Variants in PDGFRL observed in about 807,000 individuals in gnomAD.
The protein encoded by PDGFRL is platelet-derived growth factor receptor-like protein.
Under a neutral mutation model 37.2 loss-of-function variants are expected in PDGFRL, and 46 were observed. The observed-to-expected ratio is 1.24, with a 90% CI of 0.98 to 1.58. The LOEUF (loss-of-function observed/expected upper bound fraction) is 1.58, where lower values mean the gene tolerates loss of function less well. Among genes scored for constraint, PDGFRL ranks in the 40% most tolerant of loss-of-function variants. The pLI is 0.00. For missense variants in PDGFRL, 692 were observed against 467.6 expected (o/e 1.48, Z -4.43); for synonymous variants, 251 against 184.3 (o/e 1.36, Z -2.93).
intron 1 of PDGFRL, among the ~76,000 whole-genome samples, chr8:17,581,899 G>A (rs185260320): frequency 6.6e-6 from 1 of 152,228 alleles, no homozygotes; most frequent in African/African-American, 2.4e-5. Flanking sequence ...ACCAAGGAGT[G>A]GGATATTGCT....
intron 2 of PDGFRL, among the ~76,000 whole-genome samples, chr8:17,613,560 T>G (rs1415299462): frequency 6.6e-6 from 1 of 151,880 alleles, no homozygotes; most frequent in African/African-American, 2.4e-5. Flanking sequence ...AGTGGGGAAG[T>G]GCTTAGGGTG....
chr8:17,605,952 C>T (rs1040449012), intron 2 of PDGFRL, among the ~76,000 whole-genome samples: 89 of 152,298 alleles, frequency 5.8e-4, no homozygotes, highest in African/African-American at 2.0e-3. Flanking sequence ...CAGCTTACTC[C>T]ACCCACAGAC....
At chr8:17,577,062 A>C, upstream of PDGFRL, 1 of 638,726 alleles carries the variant, frequency 1.6e-6, no homozygotes, top group Non-Finnish European at 2.4e-6. Context: ...GGGCAGGAGA[A>C]GTCACATTAC....
At chr8:17,610,949 C>T (rs954432053) in intron 2 of PDGFRL, among the ~76,000 whole-genome samples, 3 of 152,188 alleles carry the variant, frequency 2.0e-5, no homozygotes, top group Non-Finnish European at 4.4e-5. Flanking sequence ...GTTGTTATTT[C>T]CATGCATTTC....
chr8:17,622,057 C>A (rs1804646891), intron 3 of PDGFRL, among the ~76,000 whole-genome samples: 1 of 152,172 alleles, frequency 6.6e-6, no homozygotes, highest in South Asian at 2.1e-4. Context: ...CAGTCCCTGT[C>A]CCTAAGCCTC....
At chr8:17,585,017 G>C (rs1405886927) in intron 1 of PDGFRL, among the ~76,000 whole-genome samples, 2 of 152,072 alleles carry the variant, frequency 1.3e-5, no homozygotes, top group Non-Finnish European at 2.9e-5. Context: ...GAAATTCCTG[G>C]AACTGAGGGT....
At position 17,634,231 on chromosome 8, in the gene PDGFRL, A is replaced by ATCTCAGCCCCTGCG. The variant is rs1289008565; in HGVS notation, c.939+27_939+40dup. 6.3e-7 allele frequency: 1 copy of ATCTCAGCCCCTGCG among 1,588,116 alleles called. No individual in the cohort carries two copies. Among genetic ancestry groups the ATCTCAGCCCCTGCG allele is most frequent in the African/African-American group, 1.3e-5 (1 of 74,188 alleles). ...GGCAGAAGGTAAGTGTTGTACCTGC[A>ATCTCAGCCCCTGCG]TCTCAGCCCCTGCGTCTCAGCCTCT... On this transcript the variant is annotated intron_variant, in intron 5 of 5. Transcript: ENST00000251630.
chr8:17,604,620 G>A (rs1234344858), intron 2 of PDGFRL, among the ~76,000 whole-genome samples: 1 of 152,054 alleles, frequency 6.6e-6, no homozygotes, highest in African/African-American at 2.4e-5. Context: ...AGCATTAGGA[G>A]ATATACCTAA....
At position 17,621,205 on chromosome 8, in the gene PDGFRL, A is replaced by G. The variant is rs768364001; in HGVS notation, c.505+3A>G. The stretch of plus-strand genomic sequence containing the variant: ...CTCCACCTACATCTTTTTTACAGGT[A>G]AAATACTTGGTGCATTAATGGAACT... On this transcript the variant is annotated splice_donor_region_variant and intron_variant, in intron 3 of 5. Coordinates refer to ENST00000251630, the MANE Select transcript of PDGFRL (RefSeq NM_001372073.1). The G allele has an allele frequency of 2.5e-6, 4 of 1,600,794 alleles. No homozygotes were observed. The highest frequency in any genetic ancestry group is 1.7e-5 in the Admixed American group (1 of 59,300).
intron 1 of PDGFRL, among the ~76,000 whole-genome samples, chr8:17,577,717 C>G (rs114935206): frequency 6.6e-6 from 1 of 151,688 alleles, no homozygotes; most frequent in Admixed American, 6.6e-5. Context: ...GCGAGTGCCA[C>G]CTAAGCTCGG....
chr8:17,578,033 GGTCTGGTGTTATTTTTCTGTGT>G (rs369389088), intron 1 of PDGFRL, among the ~76,000 whole-genome samples: 77,206 of 151,076 alleles, frequency 0.51, 22,052 homozygotes, highest in Non-Finnish European at 0.64. Flanking sequence ...GTGACCACAG[GGTCTGGTGTTATTTTTCTGTGT>G]GTCTGGGTGT....
chr8:17,578,172 G>A (rs947519827), intron 1 of PDGFRL, among the ~76,000 whole-genome samples: 4 of 152,080 alleles, frequency 2.6e-5, no homozygotes, highest in Non-Finnish European at 4.4e-5. Context: ...TCATCTGGGT[G>A]CCTCCTGGTG....
In PDGFRL at chr8:17,589,522, G is replaced by T. The variant is rs557023346; in HGVS notation, c.110G>T (p.Arg37Ile). The T allele has an allele frequency of 8.7e-6, 14 of 1,613,814 alleles. No individual in the cohort carries two copies. The highest frequency in any genetic ancestry group is 1.3e-5 in the African/African-American group (1 of 74,904). The change falls in exon 2 of 6, where the codon AGA becomes ATA. Residue 37 changes from arginine (R) to isoleucine (I), a missense_variant. Arg to Ile is a moderately conservative substitution (Grantham distance 97). Transcript: ENST00000251630. ...CGTCCAAAAGAACCAGGAGAGAATA[G>T]AATCAAACCTACCAACAAGAAGGTG... ...NKRPKEPGEN[R>I]IKPTNKKVKP... is the part of the protein sequence containing the mutation.
chr8:17,609,009 G>A (rs932409322), intron 2 of PDGFRL, among the ~76,000 whole-genome samples: 1 of 152,094 alleles, frequency 6.6e-6, no homozygotes, highest in South Asian at 2.1e-4. Flanking sequence ...ACTTGAGCCC[G>A]GGAGTTTGAG....
rs565003427 is a variant in PDGFRL at position 17,588,835 on chromosome 8, C to T, written c.56-633C>T. On this transcript the variant is annotated intron_variant, in intron 1 of 5. Coordinates refer to ENST00000251630, the MANE Select transcript of PDGFRL (RefSeq NM_001372073.1). Reference sequence around the variant, plus strand: ...ACAGCCTTGAATGGCTTCAGTTCTGCTGTTTTGTGTGACTGCTTGGAGACT... The same window carrying T: ...ACAGCCTTGAATGGCTTCAGTTCTGTTGTTTTGTGTGACTGCTTGGAGACT... Among the ~76,000 whole-genome samples the T allele has an allele frequency of 2.0e-5, 3 of 152,222 alleles. No individual in the cohort carries two copies. In the South Asian group the frequency reaches 6.2e-4, roughly 32 times the overall value.
Position 17,609,964 on chromosome 8 carries a change from G to C in PDGFRL, c.354-11087G>C, listed in dbSNP as rs370937370. Among the ~76,000 whole-genome samples the C allele has an allele frequency of 8.5e-5, 13 of 152,266 alleles. 1 individual carries two copies. The East Asian group carries it at 2.1e-3, about 25-fold the overall frequency. ...TGTTATGAGCGATTACCTTGAAAAC[G>C]TTGGCAGGAGGGAGATTTGGTGGAT... On this transcript the variant is annotated intron_variant, in intron 2 of 5. Coordinates refer to ENST00000251630, the MANE Select transcript of PDGFRL (RefSeq NM_001372073.1).
At chr8:17,606,886 G>GTTTTTTTTTTTTTT (rs371085758) in intron 2 of PDGFRL, among the ~76,000 whole-genome samples, 4 of 138,262 alleles carry the variant, frequency 2.9e-5, no homozygotes, top group African/African-American at 5.6e-5. Context: ...TTCGTTTTTT[G>GTTTTTTTTTTTTTT]TTTTTTTGTT....
upstream of PDGFRL, chr8:17,577,096 A>AAAAAAAAAAAAAAAAAAAAAAAAAAAC: frequency 1.1e-6 from 1 of 936,916 alleles, no homozygotes; most frequent in Non-Finnish European, 1.5e-6. Flanking sequence ...AAAAAAAAAA[A>AAAAAAAAAAAAAAAAAAAAAAAAAAAC]TTCCCCAACT....
intron 2 of PDGFRL, among the ~76,000 whole-genome samples, chr8:17,620,730 A>C (rs1804612799): frequency 6.6e-6 from 1 of 152,180 alleles, no homozygotes; most frequent in African/African-American, 2.4e-5. Context: ...GAATTGTTGC[A>C]AAAAATATTT....
Sources: gnomAD v4.1 joint callset for allele counts (sites outside exome capture counted in the v4.1 genomes callset) on GRCh38, gnomAD v4.1.1 for gene constraint, MANE v1.5 for transcripts, NCBI Gene and HGNC (gene_info 2026-07-23, HGNC 2026-07-21) for gene names.